Variants in TNS4 observed in about 807,000 individuals in gnomAD.
TNS4 encodes tensin 4.
A neutral mutation model predicts 70.4 loss-of-function variants in TNS4; 46 were observed. The ratio of observed to expected loss-of-function variants is 0.65; its 90% CI spans 0.52 to 0.84. The LOEUF is 0.84. Among genes scored for constraint, TNS4 ranks in the 40% least tolerant of loss-of-function variants. The probability of loss-of-function intolerance (pLI) is 0.00; values close to 1 mark genes in which losing one functional copy is unlikely to be tolerated. For synonymous variants in TNS4, 390 were observed against 366.6 expected (o/e 1.06, Z -0.73); for missense variants, 863 against 907.0 (o/e 0.95, Z 0.62).
At chr17:40,482,858 T>C (rs112466207) in intron 6 of TNS4, among the ~76,000 whole-genome samples, 98 of 151,952 alleles carry the variant, frequency 6.4e-4, no homozygotes, top group Middle Eastern at 3.5e-3. Flanking sequence ...ATCTGCTCAA[T>C]GGCTCCAGCC....
chr17:40,478,279 T>A, intron 12 of TNS4, 28 bp downstream of exon 12: 1 of 1,613,910 alleles, frequency 6.2e-7, no homozygotes, highest in Non-Finnish European at 8.5e-7. Context: ...CATGTTGGGT[T>A]TGGGGCCCTG....
At chr17:40,498,804 C>T (rs955932067) in intron 1 of TNS4, among the ~76,000 whole-genome samples, 5 of 152,180 alleles carry the variant, frequency 3.3e-5, no homozygotes, top group Admixed American at 1.3e-4. Context: ...CTTCCTCGGC[C>T]TCCCAAAGTG....
chr17:40,499,299 C>T (rs1257564921), intron 1 of TNS4, among the ~76,000 whole-genome samples: 1 of 152,202 alleles, frequency 6.6e-6, no homozygotes, highest in Non-Finnish European at 1.5e-5. Context: ...CTCTCACACG[C>T]ACCCCCTTAG....
At chr17:40,492,613 T>G (rs1479366670) in intron 2 of TNS4, among the ~76,000 whole-genome samples, 1 of 140,358 alleles carries the variant, frequency 7.1e-6, no homozygotes, top group Non-Finnish European at 1.5e-5. Context: ...TTTTTTTTTT[T>G]GTTTTAAGCC....
chr17:40,487,460 G>C lies in TNS4; in HGVS notation c.864C>G (p.Ser288Arg). Residue 288 changes from serine to arginine, a missense_variant and splice_region_variant, in exon 4 of 13, where the codon AGC (serine) becomes AGG (arginine). Transcript: ENST00000254051. The part of the protein sequence containing the change: ...PVSDVSYMFG[S>R]SQSLLHSSNS... ...TGCTGGAGTGCAGGAGGGACTGGCTGCTGCAGCGGGAGAGAGTCAGACAGG... is the reference window on the plus strand; with the variant it reads ...TGCTGGAGTGCAGGAGGGACTGGCTCCTGCAGCGGGAGAGAGTCAGACAGG... 1 of 1,599,162 alleles carries C rather than the reference G, an allele frequency of 6.3e-7. No individual in the cohort carries two copies. The highest frequency in any genetic ancestry group is 8.5e-7 in the Non-Finnish European group (1 of 1,169,816).
intron 1 of TNS4, among the ~76,000 whole-genome samples, chr17:40,498,165 T>C (rs986502320): frequency 2.0e-5 from 3 of 152,200 alleles, no homozygotes; most frequent in African/African-American, 7.2e-5. Flanking sequence ...CGTCCTGTTT[T>C]GGAGTCAGAC....
Position 40,487,090 on chromosome 17 carries a change from T to C in TNS4, c.1234A>G (p.Thr412Ala), listed in dbSNP as rs765921402. The C allele has an allele frequency of 6.2e-6, 10 of 1,614,112 alleles. No homozygotes were observed. The highest frequency in any genetic ancestry group is 1.6e-4 in the Middle Eastern group (1 of 6,084). The part of the protein sequence containing the change: ...AASPSNPCPA[T>A]RSNSQTLSDA... ...GACAGGGTCTGGCTGTTGCTCCTGG[T>C]GGCTGGACAGGGGTTGCTGGGAGAA... Residue 412 changes from threonine to alanine, a missense_variant, in exon 4 of 13, where the codon ACC becomes GCC. Coordinates refer to ENST00000254051, the MANE Select transcript of TNS4 (RefSeq NM_032865.6).
chr17:40,492,564 C>T (rs1167128920), intron 2 of TNS4, among the ~76,000 whole-genome samples: 6 of 149,736 alleles, frequency 4.0e-5, no homozygotes, highest in East Asian at 2.0e-4. Context: ...GATGGGTTTT[C>T]GCCATGTTGG....
intron 6 of TNS4, 141 bp downstream of exon 6, chr17:40,484,343 C>G: frequency 7.6e-7 from 1 of 1,315,832 alleles, no homozygotes; most frequent in Non-Finnish European, 1.0e-6. Flanking sequence ...GGGGAGAACA[C>G]TGGGGTGGAC....
At chr17:40,478,368 C>A in intron 11 of TNS4, 35 bp from the exon 12 acceptor site, 1 of 1,607,368 alleles carries the variant, frequency 6.2e-7, no homozygotes, top group African/African-American at 1.3e-5. Flanking sequence ...AGTAATGAGG[C>A]TTCGCTCCAT....
intron 3 of TNS4, among the ~76,000 whole-genome samples, chr17:40,488,175 C>T (rs2036016766): frequency 6.6e-6 from 1 of 152,108 alleles, no homozygotes; most frequent in Non-Finnish European, 1.5e-5. Context: ...GAGGAAGGAA[C>T]CTTTTTATTC....
At chr17:40,497,644 A>G (rs1567815585) in intron 1 of TNS4, among the ~76,000 whole-genome samples, 1 of 151,844 alleles carries the variant, frequency 6.6e-6, no homozygotes, top group Non-Finnish European at 1.5e-5. Context: ...AGTAGAGGGG[A>G]CCATTTGTGC....
At position 40,480,753 on chromosome 17, in the gene TNS4, T is replaced by C. The variant is rs1401893912; in HGVS notation, c.1688A>G (p.Asp563Gly). The C allele has an allele frequency of 6.2e-7, 1 of 1,600,896 alleles. No individual in the cohort carries two copies. The highest frequency in any genetic ancestry group is 1.1e-5 in the South Asian group (1 of 88,942). The stretch of plus-strand genomic sequence containing the variant: ...GCTGTCTGTAGAGTCCGAGGCCCCA[T>C]CTGCACCTCCCAGTTCTGAGCCAAG... ...TIPQRELGGADGASDSTDSPA... is the reference protein window; with the variant it reads ...TIPQRELGGAGGASDSTDSPA... The change falls in exon 9 of 13, where the codon GAT (aspartate) becomes GGT (glycine). Residue 563 changes from aspartate to glycine, a missense_variant. By Grantham distance (94) the Asp-to-Gly change is moderately conservative. Transcript: ENST00000254051.
At chr17:40,484,021 C>T (rs1296081691) in intron 6 of TNS4, among the ~76,000 whole-genome samples, 1 of 152,156 alleles carries the variant, frequency 6.6e-6, no homozygotes, top group Non-Finnish European at 1.5e-5. Flanking sequence ...TAGATGTTTG[C>T]TATCAAATAA....
At chr17:40,488,990 G>A in intron 2 of TNS4, 21 bp from the exon 3 acceptor site, 2 of 1,539,758 alleles carry the variant, frequency 1.3e-6, no homozygotes, top group Non-Finnish European at 8.7e-7. Context: ...GAAAAGCAGA[G>A]CATTGGTGAA....
At chr17:40,486,995 C>T in intron 4 of TNS4, 41 bp downstream of exon 4, 1 of 1,598,430 alleles carries the variant, frequency 6.3e-7, no homozygotes, top group Non-Finnish European at 8.6e-7. Flanking sequence ...TTGTCTATTC[C>T]CCAAATCTTA....
At chr17:40,495,162 A>G (rs1030798607) in intron 2 of TNS4, among the ~76,000 whole-genome samples, 1 of 152,168 alleles carries the variant, frequency 6.6e-6, no homozygotes, top group African/African-American at 2.4e-5. Flanking sequence ...AATAACTTAC[A>G]TTAAAAACAA....
Position 40,477,399 on chromosome 17 carries a change from C to G in TNS4, c.*189G>C, listed in dbSNP as rs556604001. The G allele has an allele frequency of 1.4e-4, 86 of 624,908 alleles. No homozygotes were observed. The Middle Eastern group carries it at 2.7e-3, about 19-fold the overall frequency. The allele number at this position is 624,908 out of a possible 1,614,324, so 38.7% of individuals were successfully genotyped here. On this transcript the variant is annotated 3_prime_UTR_variant, in exon 13 of 13. Transcript: ENST00000254051. Reference sequence around the variant, plus strand: ...TTCTATGATTGAGGAAACTGAGGCCCGGGGGGTCTGGATGATGGTGACTGC... The same window carrying G: ...TTCTATGATTGAGGAAACTGAGGCCGGGGGGGTCTGGATGATGGTGACTGC...
rs2036145658 is a variant in TNS4, at chr17:40,496,380, C to A, written c.46G>T (p.Val16Phe). The change falls in exon 2 of 13, where the codon GTC (valine) becomes TTC (phenylalanine). Residue 16 changes from valine (V) to phenylalanine (F), a missense_variant. Physicochemically the swap from Val to Phe is conservative, Grantham distance 50. Transcript: ENST00000254051. Reference protein sequence around the residue: ...SSPLLAGGHAVSLAPCDEPRR... With the variant: ...SSPLLAGGHAFSLAPCDEPRR... ...GGCTCATCACAAGGCGCCAAGCTGA[C>A]AGCATGGCCTCCTGCCAGCAGTGGG... 3.2e-5 allele frequency: 51 copies of A among 1,613,196 alleles called. No individual in the cohort carries two copies. The highest frequency in any genetic ancestry group is 4.2e-5 in the Non-Finnish European group (50 of 1,179,940).
Sources: gnomAD v4.1 joint callset for allele counts (sites outside exome capture counted in the v4.1 genomes callset) on GRCh38, gnomAD v4.1.1 for gene constraint, MANE v1.5 for transcripts, NCBI Gene and HGNC (gene_info 2026-07-23, HGNC 2026-07-21) for gene names.